The following DPP4 variants were observed in gnomAD, a reference collection of about 807,000 sequenced individuals.
DPP4 encodes the protein dipeptidyl peptidase 4, also known as ADCP-2.
A neutral mutation model predicts 122.4 loss-of-function variants in DPP4; 93 were observed. The observed-to-expected ratio is 0.76, with a 90% confidence interval of 0.64 to 0.90. The LOEUF (loss-of-function observed/expected upper bound fraction) is 0.90, where lower values mean the gene tolerates loss of function less well. DPP4 is among the 40% of genes least tolerant of loss of function. The pLI, the probability that DPP4 is intolerant of heterozygous loss-of-function variation, is 0.00. For missense variants in DPP4, 914 were observed against 907.3 expected (o/e 1.01, Z -0.09); for synonymous variants, 321 against 302.9 (o/e 1.06, Z -0.62).
intron 2 of DPP4, among the ~76,000 whole-genome samples, chr2:162,051,720 G>A (rs932935536): frequency 6.6e-6 from 1 of 152,168 alleles, no homozygotes; most frequent in African/African-American, 2.4e-5. Flanking sequence ...GGAGGTAAAA[G>A]AAGAAACTGA....
chr2:162,048,878 C>T (rs190624195), intron 2 of DPP4, among the ~76,000 whole-genome samples: 15 of 152,280 alleles, frequency 9.9e-5, no homozygotes, highest in East Asian at 1.9e-4. Context: ...TTAATTTTTA[C>T]GTCAACCTTT....
rs1013298663 is a variant in DPP4, at chr2:162,045,686, G to C, written c.286-74C>G. 6 of 1,073,076 alleles carry C rather than the reference G, an allele frequency of 5.6e-6. No individual in the cohort carries two copies. The African/African-American group carries it at 9.3e-5, about 17-fold the overall frequency. 66.5% of individuals were successfully genotyped at this position (1,073,076 alleles called of 1,614,324 possible). On this transcript the variant is annotated intron_variant, in intron 4 of 25. Transcript: ENST00000360534. The stretch of plus-strand genomic sequence containing the variant: ...CCATCACTGTGCACTTACTTCATAG[G>C]GGGTACTGTTCTAGACATGTGGCTT...
intron 5 of DPP4, among the ~76,000 whole-genome samples, chr2:162,040,738 G>A (rs1409947266): frequency 1.3e-5 from 2 of 151,954 alleles, no homozygotes; most frequent in African/African-American, 4.8e-5. Flanking sequence ...TAAGCCTAAT[G>A]TAAACTATGG....
intron 12 of DPP4, chr2:162,021,512 C>T (rs909001780): frequency 1.3e-5 from 2 of 152,268 alleles, no homozygotes; most frequent in Non-Finnish European, 2.9e-5. Context: ...ACTTCGCCCT[C>T]GATGTTTCCT....
intron 12 of DPP4, among the ~76,000 whole-genome samples, chr2:162,021,207 A>G (rs1006489288): frequency 2.0e-5 from 3 of 152,218 alleles, no homozygotes; most frequent in African/African-American, 7.2e-5. Flanking sequence ...TTTCTGGACT[A>G]CATACTATAA....
chr2:162,060,491 C>T (rs561599426), intron 2 of DPP4, among the ~76,000 whole-genome samples: 15 of 152,238 alleles, frequency 9.9e-5, no homozygotes, highest in South Asian at 2.1e-4. Flanking sequence ...AAAGTAGTCA[C>T]GTAAGCTTTA....
At chr2:162,004,603 G>GCA (rs985516017) in intron 23 of DPP4, among the ~76,000 whole-genome samples, 1 of 113,554 alleles carries the variant, frequency 8.8e-6, no homozygotes, top group Non-Finnish European at 1.9e-5. Context: ...ACACACACAC[G>GCA]CACACACACA....
chr2:162,028,690 C>T (rs1185969254), intron 10 of DPP4, among the ~76,000 whole-genome samples: 1 of 152,160 alleles, frequency 6.6e-6, no homozygotes, highest in Non-Finnish European at 1.5e-5. Flanking sequence ...ACTAAAATGA[C>T]GGAGTAATTT....
At position 162,018,840 on chromosome 2, in the gene DPP4, TA is replaced by T; in HGVS notation, c.1308del (p.Ser437ValfsTer6). ...PGGRNLYKIQ[L>X]SDYTKVTCLS... ...AGGCATGTCACTTTTGTATAGTCAC[TA>T]AGTTGGATTCTGTAAAACCAACGGT... is the stretch of plus-strand genomic sequence containing the variant. On this transcript the variant is annotated frameshift_variant, in exon 16 of 26. Transcript: ENST00000360534. LOFTEE classifies it high-confidence loss of function. 1 of 1,614,044 alleles carries T rather than the reference TA, an allele frequency of 6.2e-7. No homozygotes were observed. Among genetic ancestry groups the T allele is most frequent in the Non-Finnish European group, 8.5e-7 (1 of 1,180,016 alleles).
chr2:162,028,551 AG>A (rs1683428699), intron 10 of DPP4, among the ~76,000 whole-genome samples: 1 of 152,202 alleles, frequency 6.6e-6, no homozygotes. Context: ...GGGGTAGAAG[AG>A]GGACCACCCC....
In DPP4 at chr2:162,035,340, A is replaced by G. The variant is rs1389940968; in HGVS notation, c.614-16T>C. On this transcript the variant is annotated splice_polypyrimidine_tract_variant and intron_variant, in intron 8 of 25. Transcript: ENST00000360534. Reference sequence around the variant, plus strand: ...AAGACTTCCTCTGAAAAAAGACACAAATTGTTCTGTTACAAGAAGTAGCTG... The same window carrying G: ...AAGACTTCCTCTGAAAAAAGACACAGATTGTTCTGTTACAAGAAGTAGCTG... 6.2e-7 allele frequency: 1 copy of G among 1,608,958 alleles called. No individual in the cohort carries two copies. Among genetic ancestry groups the G allele is most frequent in the Admixed American group, 1.7e-5 (1 of 58,898 alleles).
At position 161,992,476 on chromosome 2, in the gene DPP4, G is replaced by C. The variant is rs1700888815; in HGVS notation, c.*807C>G. Reference sequence around the variant, plus strand: ...TACAAATATTTTCATCTTTTAACAGGGCAAGCTGATGTGTTCACATCTCAG... The same window carrying C: ...TACAAATATTTTCATCTTTTAACAGCGCAAGCTGATGTGTTCACATCTCAG... On this transcript the variant is annotated 3_prime_UTR_variant, in exon 26 of 26. Coordinates refer to ENST00000360534, the MANE Select transcript of DPP4 (RefSeq NM_001935.4). 6.6e-6 allele frequency: 1 copy of C among 152,566 alleles called. No individual in the cohort carries two copies. The highest frequency in any genetic ancestry group is 1.5e-5 in the Non-Finnish European group (1 of 68,032). The allele number at this position is 152,566 out of a possible 1,614,324, so 9.5% of individuals were successfully genotyped here. A position where few individuals can be genotyped will look rare whatever the true frequency, so the allele number is the denominator to read the frequency against.
intron 11 of DPP4, 41 bp downstream of exon 11, chr2:162,024,763 A>G (rs1436726607): frequency 6.2e-7 from 1 of 1,603,538 alleles, no homozygotes; most frequent in Non-Finnish European, 8.5e-7. Context: ...CCCTCTGATC[A>G]CATGTTGCTC....
chr2:162,030,513 G>A (rs1482610613), intron 10 of DPP4, among the ~76,000 whole-genome samples: 2 of 152,204 alleles, frequency 1.3e-5, no homozygotes, highest in Non-Finnish European at 2.9e-5. Flanking sequence ...ATCCTGGCCA[G>A]GCTTCCCACT....
At position 162,024,865 on chromosome 2, in the gene DPP4, T is replaced by C. The variant is rs1180258274; in HGVS notation, c.962A>G (p.Asn321Ser). The C allele has an allele frequency of 6.2e-7, 1 of 1,613,988 alleles. No individual in the cohort carries two copies. The highest frequency in any genetic ancestry group is 1.1e-5 in the South Asian group (1 of 91,086). The change falls in exon 11 of 26, where the codon AAC (asparagine) becomes AGC (serine). Residue 321 changes from asparagine to serine, a missense_variant. Coordinates refer to ENST00000360534, the MANE Select transcript of DPP4 (RefSeq NM_001935.4). ...GTCACAAATATCCATGACCGAATAG[T>C]TCTGAATCCTCCTGAGCCACTGCAA... ...ISLQWLRRIQ[N>S]YSVMDICDYD... is the part of the protein sequence containing the mutation.
At chr2:162,062,766 A>T (rs1218979394) in intron 2 of DPP4, among the ~76,000 whole-genome samples, 1 of 152,214 alleles carries the variant, frequency 6.6e-6, no homozygotes, top group Non-Finnish European at 1.5e-5. Context: ...GCTTTTAAAC[A>T]GTTCATGTGA....
At chr2:162,017,180 G>A (rs1172736937) in intron 16 of DPP4, 25 bp from the exon 17 acceptor site, 1 of 1,603,826 alleles carries the variant, frequency 6.2e-7, no homozygotes, top group Non-Finnish European at 8.5e-7. Context: ...GGGGAAAAAT[G>A]TTTTGGATGA....
intron 3 of DPP4, 34 bp downstream of exon 3, chr2:162,047,369 G>C (rs373506464): frequency 2.4e-6 from 3 of 1,233,344 alleles, no homozygotes; most frequent in Non-Finnish European, 3.5e-6. Context: ...ATGAATGTAA[G>C]CATAAAATCT....
chr2:162,032,178 A>G (rs1683570460), intron 10 of DPP4: 1 of 152,220 alleles, frequency 6.6e-6, no homozygotes, highest in East Asian at 1.9e-4. Flanking sequence ...GCAGTATCTA[A>G]TAGCTTGTTC....
Sources: allele counts gnomAD v4.1 joint callset (sites outside exome capture counted in the v4.1 genomes callset), GRCh38; gene constraint gnomAD v4.1.1; transcripts MANE v1.5; gene names NCBI Gene and HGNC (gene_info 2026-07-23, HGNC 2026-07-21).